PCLO: variants seen among roughly 807,000 people sequenced by gnomAD.
The protein encoded by PCLO is piccolo presynaptic cytomatrix protein.
In PCLO, 82 loss-of-function variants were observed where a neutral mutation model predicts 427.5. The observed-to-expected ratio is 0.19, with a 90% CI of 0.16 to 0.23. The LOEUF (loss-of-function observed/expected upper bound fraction) is 0.23. Ranked by LOEUF, PCLO falls within the 10% of genes least tolerant of loss-of-function variation. The probability of loss-of-function intolerance (pLI) is 1.00; values close to 1 mark genes in which losing one functional copy is unlikely to be tolerated. For synonymous variants in PCLO, 2,357 were observed against 2,155.4 expected (o/e 1.09, Z -2.59); for missense variants, 6,239 against 6,115.9 (o/e 1.02, Z -0.67).
rs1791967689 is a variant in PCLO, at chr7:82,827,285, G to A, written c.14343+588C>T. On this transcript the variant is annotated intron_variant, in intron 17 of 24. Transcript: ENST00000333891. ...TTTCAGTTATTGTCTGTTAAGCAAA[G>A]ATATAAAAATGCAGATTTTCAGAAA... is the stretch of plus-strand genomic sequence containing the variant. Among the ~76,000 whole-genome samples the A allele has an allele frequency of 2.0e-5, 3 of 152,122 alleles. No homozygotes were observed. The East Asian group carries it at 5.8e-4, about 29-fold the overall frequency.
At chr7:83,007,240 T>G (rs1477613684) in intron 3 of PCLO, among the ~76,000 whole-genome samples, 1 of 151,394 alleles carries the variant, frequency 6.6e-6, no homozygotes, top group African/African-American at 2.4e-5. Context: ...GGGAAAAAAG[T>G]ATAGAAACAC....
At chr7:82,840,323 C>G (rs577550884) in intron 14 of PCLO, among the ~76,000 whole-genome samples, 1 of 151,960 alleles carries the variant, frequency 6.6e-6, no homozygotes, top group African/African-American at 2.4e-5. Context: ...TCCATTTCCA[C>G]GCTCACACTC....
At chr7:82,880,680 A>G (rs1793485108) in intron 9 of PCLO, among the ~76,000 whole-genome samples, 1 of 152,176 alleles carries the variant, frequency 6.6e-6, no homozygotes, top group South Asian at 2.1e-4. Flanking sequence ...TAAACATCCT[A>G]CAATGCACAG....
At position 82,794,459 on chromosome 7, in the gene PCLO, C is replaced by CTGTTTTTTTTTTTTTTTTTTTTTTT. The variant is rs1554333552; in HGVS notation, c.15007+7058_15007+7059insAAAAAAAAAAAAAAAAAAAAAAACA. On this transcript the variant is annotated intron_variant, in intron 22 of 24. Transcript: ENST00000333891. ...ACATGCTAGTTCATAAATTTTTTTT[C>CTGTTTTTTTTTTTTTTTTTTTTTTT]TTTTTTTTTTTTTTTTTTTTTTTTT... 8.7e-4 allele frequency among the ~76,000 whole-genome samples: 49 copies of CTGTTTTTTTTTTTTTTTTTTTTTTT among 56,372 alleles called. 14 individuals are homozygous for CTGTTTTTTTTTTTTTTTTTTTTTTT. The highest frequency in any genetic ancestry group is 1.4e-3 in the Non-Finnish European group (35 of 24,448). The allele number at this position is 56,372 out of a possible 152,430, so 37.0% of individuals were successfully genotyped here. A position where few individuals can be genotyped will look rare whatever the true frequency, so the allele number is the denominator to read the frequency against.
chr7:82,785,094 T>C (rs1790957658), intron 22 of PCLO, among the ~76,000 whole-genome samples: 1 of 152,198 alleles, frequency 6.6e-6, no homozygotes, highest in Non-Finnish European at 1.5e-5. Context: ...ACAAAACAAT[T>C]ATTCTTTATT....
At position 83,162,752 on chromosome 7, in the gene PCLO, G is replaced by A. The variant is rs1792481769; in HGVS notation, c.-160C>T. 5 of 914,296 alleles carry A rather than the reference G, an allele frequency of 5.5e-6. No individual in the cohort carries two copies. The highest frequency in any genetic ancestry group is 5.1e-5 in the African/African-American group (3 of 58,896). 56.6% of individuals were successfully genotyped at this position (914,296 alleles called of 1,614,324 possible). ...CAGGCACTGCCGCCCGGAACGCCAGGCAGGGGTTAGTCCCGCTCGCAGGTA... is the reference window on the plus strand; with the variant it reads ...CAGGCACTGCCGCCCGGAACGCCAGACAGGGGTTAGTCCCGCTCGCAGGTA... On this transcript the variant is annotated 5_prime_UTR_variant, in exon 1 of 25. Coordinates refer to ENST00000333891, the MANE Select transcript of PCLO (RefSeq NM_033026.6).
intron 10 of PCLO, among the ~76,000 whole-genome samples, chr7:82,849,653 TGGCATTTC>T (rs1310994059): frequency 6.6e-6 from 1 of 152,170 alleles, no homozygotes; most frequent in African/African-American, 2.4e-5. Flanking sequence ...AAATTAAATA[TGGCATTTC>T]GAATATATAT....
rs754020885 is a variant in PCLO, at chr7:82,955,724, A to C, written c.5229T>G (p.Ser1743Arg). 1 of 1,613,862 alleles carries C rather than the reference A, an allele frequency of 6.2e-7. No individual in the cohort carries two copies. ...TCTCTCCTTTTTTGTGACTCGGGCT[A>C]CTGTCACTGTCCTCATCAAGTGATG... ...SVSSLDEDSD[S>R]SPSHKKGESK... The change falls in exon 5 of 25, where the codon AGT becomes AGG. Residue 1743 changes from serine to arginine, a missense_variant. Ser to Arg is a moderately radical substitution (Grantham distance 110, BLOSUM62 -1). This residue lies in a region of PCLO where 4,677 missense variants were observed against 4,468.4 expected (regional missense o/e 1.05). Coordinates refer to ENST00000333891, the MANE Select transcript of PCLO (RefSeq NM_033026.6).
At chr7:83,004,493 A>G (rs1372677336) in intron 3 of PCLO, among the ~76,000 whole-genome samples, 1 of 151,632 alleles carries the variant, frequency 6.6e-6, no homozygotes, top group East Asian at 1.9e-4. Flanking sequence ...TGTGTCTTAC[A>G]CCATATACAA....
chr7:82,873,825 GT>G (rs34775769), intron 10 of PCLO, among the ~76,000 whole-genome samples: 42,389 of 151,432 alleles, frequency 0.28, 6,091 homozygotes, highest in Middle Eastern at 0.3. Context: ...GATTGGGGGG[GT>G]GGTTTCTGTC....
intron 3 of PCLO, among the ~76,000 whole-genome samples, chr7:83,016,487 T>G (rs1331368373): frequency 1.3e-5 from 2 of 152,134 alleles, no homozygotes; most frequent in Non-Finnish European, 2.9e-5. Context: ...TATAGAAGTT[T>G]CAGCCATTAA....
At chr7:82,858,649 C>T (rs1459859965) in intron 10 of PCLO, among the ~76,000 whole-genome samples, 1 of 152,068 alleles carries the variant, frequency 6.6e-6, no homozygotes, top group Non-Finnish European at 1.5e-5. Context: ...ATACTATACT[C>T]AGCTTATACT....
chr7:83,011,347 T>C (rs1320765299), intron 3 of PCLO, among the ~76,000 whole-genome samples: 2 of 152,112 alleles, frequency 1.3e-5, no homozygotes, highest in Non-Finnish European at 2.9e-5. Context: ...TTAAACATTT[T>C]ATGTGATTAC....
At chr7:82,905,361 C>T (rs941580408) in intron 8 of PCLO, among the ~76,000 whole-genome samples, 2 of 151,964 alleles carry the variant, frequency 1.3e-5, no homozygotes, top group African/African-American at 4.8e-5. Context: ...GCCTTCATGT[C>T]CTTTTTGTTA....
intron 2 of PCLO, among the ~76,000 whole-genome samples, chr7:83,152,881 A>G (rs1297957918): frequency 2.6e-5 from 4 of 152,182 alleles, no homozygotes; most frequent in Admixed American, 2.6e-4. Flanking sequence ...CAACATTCAC[A>G]TTTTAGTTAT....
At chr7:82,982,038 T>C (rs1796157943) in intron 3 of PCLO, among the ~76,000 whole-genome samples, 2 of 152,160 alleles carry the variant, frequency 1.3e-5, no homozygotes, top group Admixed American at 1.3e-4. Context: ...CTCTGTATGT[T>C]AATGCATATG....
chr7:83,038,388 C>T (rs1472448586), intron 3 of PCLO, among the ~76,000 whole-genome samples: 1 of 151,516 alleles, frequency 6.6e-6, no homozygotes, highest in Non-Finnish European at 1.5e-5. Context: ...ACATATTCCC[C>T]ATCCTCCTTC....
intron 12 of PCLO, 125 bp downstream of exon 12, chr7:82,846,442 A>G: frequency 3.1e-6 from 2 of 647,286 alleles, no homozygotes; most frequent in Non-Finnish European, 5.3e-6. Flanking sequence ...AAATCTATCC[A>G]TAACTTTATA....
chr7:82,785,796 A>G (rs1330840971), intron 22 of PCLO, among the ~76,000 whole-genome samples: 1 of 152,176 alleles, frequency 6.6e-6, no homozygotes, highest in Admixed American at 6.5e-5. Flanking sequence ...GCAGGAGCAA[A>G]CTTAACAAGA....
Sources: allele counts gnomAD v4.1 joint callset (sites outside exome capture counted in the v4.1 genomes callset), GRCh38; gene constraint gnomAD v4.1.1; regional missense constraint gnomAD v4.1.1; transcripts MANE v1.5; gene names NCBI Gene and HGNC (gene_info 2026-07-23, HGNC 2026-07-21).